The following HSF2BP variants were observed in gnomAD, a reference collection of about 807,000 sequenced individuals.
HSF2BP encodes heat shock transcription factor 2 binding protein, also known as heat shock factor 2-binding protein.
A neutral mutation model predicts 35.0 loss-of-function variants in HSF2BP; 35 were observed. The ratio of observed to expected loss-of-function variants is 1.00; its 90% CI spans 0.76 to 1.32. The LOEUF is 1.32. HSF2BP is among the 40% of genes most tolerant of loss of function. The probability of loss-of-function intolerance (pLI) is 0.00; values close to 1 mark genes in which losing one functional copy is unlikely to be tolerated. For synonymous variants in HSF2BP, 114 were observed against 117.4 expected (o/e 0.97, Z 0.18); for missense variants, 326 against 321.7 (o/e 1.01, Z -0.10).
At chr21:43,610,435 C>CA (rs11382971) in intron 7 of HSF2BP, among the ~76,000 whole-genome samples, 90,139 of 140,436 alleles carry the variant, frequency 0.64, 28,507 homozygotes, top group East Asian at 0.76. Context: ...CAAAAAATAC[C>CA]AAAAAAAAAA....
chr21:43,600,075 C>T (rs1450514992), intron 7 of HSF2BP, among the ~76,000 whole-genome samples: 2 of 152,090 alleles, frequency 1.3e-5, no homozygotes, highest in Non-Finnish European at 1.5e-5. Context: ...ATAAGCAACA[C>T]GAGTAACTCA....
At chr21:43,630,559 T>C (rs1347036890) in intron 5 of HSF2BP, 105 bp from the exon 6 acceptor site, 2 of 1,335,822 alleles carry the variant, frequency 1.5e-6, no homozygotes, top group Non-Finnish European at 2.0e-6. Context: ...TGTAGAATAT[T>C]GTAAAATCTA....
At chr21:43,614,362 CAA>C (rs142666316) in intron 6 of HSF2BP, among the ~76,000 whole-genome samples, 92 of 75,434 alleles carry the variant, frequency 1.2e-3, no homozygotes, top group African/African-American at 1.3e-3. Context: ...AGCCCTGTCT[CAA>C]AAAAAAAAAA....
intron 7 of HSF2BP, among the ~76,000 whole-genome samples, chr21:43,608,744 T>C (rs576521008): frequency 6.6e-6 from 1 of 152,188 alleles, no homozygotes; most frequent in East Asian, 1.9e-4. Flanking sequence ...AAAGGATCAC[T>C]TGAGTTCAGG....
intron 7 of HSF2BP, among the ~76,000 whole-genome samples, chr21:43,592,747 C>G (rs935117256): frequency 6.6e-6 from 1 of 152,174 alleles, no homozygotes; most frequent in African/African-American, 2.4e-5. Flanking sequence ...TTACGCATGA[C>G]ATCCAGGTAG....
At chr21:43,589,975 G>C (rs540288016) in intron 8 of HSF2BP, among the ~76,000 whole-genome samples, 1 of 152,256 alleles carries the variant, frequency 6.6e-6, no homozygotes, top group South Asian at 2.1e-4. Context: ...ACTGATTTAG[G>C]AAAAAATTTC....
chr21:43,636,454 G>C lies in HSF2BP; in HGVS notation c.292-3033C>G, dbSNP rs1312368604. The stretch of plus-strand genomic sequence containing the variant: ...TACTCTTCAAAAGATACCTTATAAA[G>C]AAAGTAAAAAGACACGCCACAGGCT... On this transcript the variant is annotated intron_variant, in intron 4 of 8. Transcript: ENST00000291560. Among the ~76,000 whole-genome samples, 11 of 151,906 alleles carry C rather than the reference G, an allele frequency of 7.2e-5. 1 individual carries two copies.
Position 43,601,277 on chromosome 21 carries a change from G to A in HSF2BP, c.693-8949C>T, listed in dbSNP as rs141125661. Among the ~76,000 whole-genome samples the A allele has an allele frequency of 2.1e-3, 313 of 152,196 alleles. 2 individuals are homozygous for A. Among genetic ancestry groups the A allele is most frequent in the African/African-American group, 6.9e-3 (287 of 41,526 alleles). On this transcript the variant is annotated intron_variant, in intron 7 of 8. Transcript: ENST00000291560. ...GGTGTAAGCTTCACTGTGGCTTCAC[G>A]TCCAATCGGAAGCTTGTAATCATCA... is the stretch of plus-strand genomic sequence containing the variant.
intron 4 of HSF2BP, among the ~76,000 whole-genome samples, chr21:43,640,045 T>TA (rs2082615173): frequency 6.6e-6 from 1 of 152,198 alleles, no homozygotes; most frequent in Admixed American, 6.5e-5. Context: ...CTCATGCCTG[T>TA]AATCCCAGCA....
At chr21:43,644,146 C>A (rs1161581927) in intron 4 of HSF2BP, 143 bp downstream of exon 4, 2 of 593,782 alleles carry the variant, frequency 3.4e-6, no homozygotes, top group Non-Finnish European at 6.1e-6. Context: ...TACATTCCAA[C>A]CCACTCAGAA....
At chr21:43,612,951 A>G (rs1045573909) in intron 7 of HSF2BP, among the ~76,000 whole-genome samples, 10 of 152,204 alleles carry the variant, frequency 6.6e-5, no homozygotes, top group African/African-American at 2.4e-4. Context: ...CACGCTGATT[A>G]TGTCATTGCC....
chr21:43,575,080 C>A (rs1020949504), intron 8 of HSF2BP, among the ~76,000 whole-genome samples: 1 of 152,232 alleles, frequency 6.6e-6, no homozygotes, highest in Non-Finnish European at 1.5e-5. Flanking sequence ...GCTTTTCAGG[C>A]AGCTCCTTCA....
At chr21:43,652,400 C>CAAAAAAAAAA (rs35714746) in intron 3 of HSF2BP, among the ~76,000 whole-genome samples, 1 of 89,360 alleles carries the variant, frequency 1.1e-5, no homozygotes, top group Non-Finnish European at 2.3e-5. Flanking sequence ...CAGACACCAT[C>CAAAAAAAAAA]AAAAAAAAAA....
intron 6 of HSF2BP, among the ~76,000 whole-genome samples, chr21:43,629,262 C>T (rs2082425814): frequency 6.6e-6 from 1 of 152,156 alleles, no homozygotes; most frequent in Non-Finnish European, 1.5e-5. Context: ...ATTCTAGATG[C>T]CATTAAGAAT....
At chr21:43,580,730 C>T (rs1211564785) in intron 8 of HSF2BP, among the ~76,000 whole-genome samples, 1 of 152,232 alleles carries the variant, frequency 6.6e-6, no homozygotes, top group African/African-American at 2.4e-5. Context: ...CATAATAAAA[C>T]ATTCACATGT....
chr21:43,630,491 C>G, intron 5 of HSF2BP, 37 bp from the exon 6 acceptor site: 1 of 1,591,780 alleles, frequency 6.3e-7, no homozygotes, highest in Non-Finnish European at 8.5e-7. Context: ...TATCTTTTTA[C>G]AGACACTAGT....
chr21:43,575,005 G>A (rs933052569), intron 8 of HSF2BP, among the ~76,000 whole-genome samples: 1 of 152,190 alleles, frequency 6.6e-6, no homozygotes, highest in Non-Finnish European at 1.5e-5. Context: ...ATGCGCACAG[G>A]CAACCAGGGC....
intron 8 of HSF2BP, among the ~76,000 whole-genome samples, chr21:43,587,683 A>G (rs943164435): frequency 2.6e-5 from 4 of 151,266 alleles, no homozygotes; most frequent in Middle Eastern, 3.4e-3. Flanking sequence ...AAAAAAAAAA[A>G]AAAGGAAAGC....
intron 5 of HSF2BP, 26 bp from the exon 6 acceptor site, chr21:43,630,480 A>C (rs190341172): frequency 1.9e-6 from 3 of 1,601,034 alleles, no homozygotes; most frequent in Non-Finnish European, 2.6e-6. Context: ...TCAGAGTGTC[A>C]TATCTTTTTA....
Sources: gnomAD v4.1 joint callset for allele counts (sites outside exome capture counted in the v4.1 genomes callset) on GRCh38, gnomAD v4.1.1 for gene constraint, MANE v1.5 for transcripts, NCBI Gene and HGNC (gene_info 2026-07-23, HGNC 2026-07-21) for gene names.